Variants in KSR1 observed in about 807,000 individuals in gnomAD.
KSR1 encodes kinase suppressor of ras.
A neutral mutation model predicts 92.9 loss-of-function variants in KSR1; 35 were observed. The ratio of observed to expected loss-of-function variants is 0.38; its 90% confidence interval spans 0.29 to 0.50. The LOEUF is 0.50. Among genes scored for constraint, KSR1 ranks in the 20% least tolerant of loss-of-function variants. The probability of loss-of-function intolerance (pLI) is 0.94; values close to 1 mark genes in which losing one functional copy is unlikely to be tolerated. For missense variants in KSR1, 972 were observed against 1,158.5 expected (o/e 0.84, Z 2.34); for synonymous variants, 467 against 472.6 (o/e 0.99, Z 0.15).
chr17:27,522,600 T>C (rs2070087574), intron 1 of KSR1, among the ~76,000 whole-genome samples: 1 of 152,192 alleles, frequency 6.6e-6, no homozygotes, highest in Admixed American at 6.5e-5. Context: ...GAGGGCTTTG[T>C]GGTGGGACAA....
At chr17:27,519,824 C>T (rs1357378011) in intron 1 of KSR1, among the ~76,000 whole-genome samples, 4 of 152,232 alleles carry the variant, frequency 2.6e-5, no homozygotes, top group African/African-American at 9.6e-5. Flanking sequence ...ATGGCACAGG[C>T]TTTGAATGTG....
At chr17:27,563,011 A>G (rs542501894) in intron 2 of KSR1, among the ~76,000 whole-genome samples, 1 of 152,268 alleles carries the variant, frequency 6.6e-6, no homozygotes, top group Admixed American at 6.5e-5. Flanking sequence ...TGCTTCCTCA[A>G]TGCCCACGTG....
chr17:27,502,652 A>T (rs2069233157), intron 1 of KSR1, among the ~76,000 whole-genome samples: 1 of 152,152 alleles, frequency 6.6e-6, no homozygotes, highest in Non-Finnish European at 1.5e-5. Flanking sequence ...CTGGTTTTTC[A>T]TCTTTCTGTG....
chr17:27,505,926 A>T (rs2150989871), intron 1 of KSR1, among the ~76,000 whole-genome samples: 1 of 152,204 alleles, frequency 6.6e-6, no homozygotes, highest in South Asian at 2.1e-4. Flanking sequence ...GGGGCATCAG[A>T]CCTCAGGGGT....
chr17:27,583,069 AGCTGGGGAACC>A lies in KSR1; in HGVS notation c.947_957del (p.Leu316HisfsTer2). 1 of 1,593,982 alleles carries A rather than the reference AGCTGGGGAACC, an allele frequency of 6.3e-7. No individual in the cohort carries two copies. Among genetic ancestry groups the A allele is most frequent in the Non-Finnish European group, 8.6e-7 (1 of 1,168,974 alleles). ...ACCCGGAGCAAGTCCCATGAGTCTCAGCTGGGGAACCGCATTGATGACGTCTCCTCGATGAG... is the reference window on the plus strand; with the variant it reads ...ACCCGGAGCAAGTCCCATGAGTCTCAGCATTGATGACGTCTCCTCGATGAG... On this transcript the variant is annotated frameshift_variant, in exon 4 of 21. Transcript: ENST00000644974. LOFTEE classifies it high-confidence loss of function.
chr17:27,486,619 G>A (rs1432382378), intron 1 of KSR1, among the ~76,000 whole-genome samples: 1 of 152,184 alleles, frequency 6.6e-6, no homozygotes, highest in Non-Finnish European at 1.5e-5. Context: ...GGGTAGGGAG[G>A]CTTCAAAGCT....
rs1174444210 is a variant in KSR1 at position 27,456,622 on chromosome 17, G to T, written c.-22G>T. The T allele has an allele frequency of 8.4e-6, 4 of 478,954 alleles. No individual in the cohort carries two copies. Among genetic ancestry groups the T allele is most frequent in the Non-Finnish European group, 1.4e-5 (4 of 278,130 alleles). The allele number at this position is 478,954 out of a possible 1,614,324, so 29.7% of individuals were successfully genotyped here. A position where few individuals can be genotyped will look rare whatever the true frequency, so the allele number is the denominator to read the frequency against. ...GCGCCCCGGGCTCCCAGCCTCGGCC[G>T]CCGCGGCCCCGATGCCGAGGCATGG... On this transcript the variant is annotated 5_prime_UTR_variant, in exon 1 of 21. Transcript: ENST00000644974.
At chr17:27,622,128 G>A in intron 20 of KSR1, 2 of 608,406 alleles carry the variant, frequency 3.3e-6, no homozygotes, top group South Asian at 3.9e-5. Flanking sequence ...TCTCCACGTG[G>A]CCTGCATATG....
At chr17:27,573,325 G>C (rs981199859) in intron 2 of KSR1, among the ~76,000 whole-genome samples, 1 of 152,208 alleles carries the variant, frequency 6.6e-6, no homozygotes, top group Admixed American at 6.5e-5. Flanking sequence ...GGAAAGCGGG[G>C]GTTTTCTGTT....
chr17:27,600,792 CAGTG>C (rs1277222026), intron 10 of KSR1, among the ~76,000 whole-genome samples: 1 of 152,206 alleles, frequency 6.6e-6, no homozygotes, highest in Non-Finnish European at 1.5e-5. Context: ...CCCCATTTGA[CAGTG>C]AGACAGCTGG....
intron 18 of KSR1, among the ~76,000 whole-genome samples, chr17:27,613,459 T>C (rs1317039064): frequency 1.3e-5 from 2 of 152,180 alleles, no homozygotes; most frequent in South Asian, 2.1e-4. Flanking sequence ...ATCTCACAGA[T>C]TGAATATCAG....
intron 1 of KSR1, among the ~76,000 whole-genome samples, chr17:27,481,912 C>T (rs1418668547): frequency 2.0e-5 from 3 of 152,130 alleles, no homozygotes; most frequent in African/African-American, 4.8e-5. Context: ...GCTTTGGAGA[C>T]GATTTGGTTT....
At chr17:27,618,608 G>C (rs551708292) in intron 19 of KSR1, among the ~76,000 whole-genome samples, 1 of 152,208 alleles carries the variant, frequency 6.6e-6, no homozygotes, top group Admixed American at 6.5e-5. Flanking sequence ...CTCTGCCGTC[G>C]CAACACGGGA....
intron 1 of KSR1, among the ~76,000 whole-genome samples, chr17:27,530,871 T>C (rs2070508718): frequency 6.6e-6 from 1 of 152,266 alleles, no homozygotes; most frequent in South Asian, 2.1e-4. Context: ...TAGATTTTTT[T>C]GTCCTGCCTG....
chr17:27,608,378 TG>T (rs1404164441), intron 15 of KSR1, among the ~76,000 whole-genome samples: 2 of 152,142 alleles, frequency 1.3e-5, no homozygotes, highest in Non-Finnish European at 2.9e-5. Flanking sequence ...CCTCCCTCTC[TG>T]GATTGGTGTG....
At chr17:27,458,475 A>G (rs527527695) in intron 1 of KSR1, among the ~76,000 whole-genome samples, 6 of 152,240 alleles carry the variant, frequency 3.9e-5, no homozygotes, top group African/African-American at 1.4e-4. Context: ...GAGTGTGTAT[A>G]TAGGAGAACC....
At chr17:27,512,646 C>T (rs1226631760) in intron 1 of KSR1, among the ~76,000 whole-genome samples, 1 of 152,148 alleles carries the variant, frequency 6.6e-6, no homozygotes. Context: ...TTGCTTGAAC[C>T]TGGGAGGCGG....
chr17:27,610,091 C>G lies in KSR1; in HGVS notation c.2250C>G (p.Ser750=). The change falls in exon 17 of 21, where the codon TCC becomes TCG. Residue 750 remains serine (S), a synonymous_variant. Coordinates refer to ENST00000644974, the MANE Select transcript of KSR1 (RefSeq NM_001394583.1). ...GGCGTGAGAACCAGCTAAAGCTGTC[C>G]CACGACTGGCTGTGCTATCTGGCCC... ...EGRRENQLKL[S]HDWLCYLAPE... The G allele has an allele frequency of 6.2e-7, 1 of 1,613,978 alleles. No individual in the cohort carries two copies. Among genetic ancestry groups the G allele is most frequent in the Non-Finnish European group, 8.5e-7 (1 of 1,179,850 alleles).
intron 1 of KSR1, among the ~76,000 whole-genome samples, chr17:27,477,943 T>C (rs2068394440): frequency 6.6e-6 from 1 of 152,046 alleles, no homozygotes; most frequent in South Asian, 2.1e-4. Flanking sequence ...GAACTCCTGG[T>C]CTCAAGTGAG....
Sources: allele counts gnomAD v4.1 joint callset (sites outside exome capture counted in the v4.1 genomes callset), GRCh38; gene constraint gnomAD v4.1.1; transcripts MANE v1.5; gene names NCBI Gene and HGNC (gene_info 2026-07-23, HGNC 2026-07-21).